The following FHOD3 variants were observed in gnomAD, a reference collection of about 807,000 sequenced individuals.
FHOD3 encodes formin homology 2 domain containing 3.
FHOD3 carries 90 observed loss-of-function variants against 173.0 expected under a neutral mutation model. The ratio of observed to expected loss-of-function variants is 0.52; its 90% confidence interval spans 0.44 to 0.62. FHOD3 has a LOEUF of 0.62. FHOD3 is among the 20% of genes least tolerant of loss of function. The probability of loss-of-function intolerance (pLI) is 0.00; values close to 1 mark genes in which losing one functional copy is unlikely to be tolerated. For synonymous variants in FHOD3, 828 were observed against 823.0 expected (o/e 1.01, Z -0.10); for missense variants, 1,945 against 2,034.7 (o/e 0.96, Z 0.85).
intron 7 of FHOD3, among the ~76,000 whole-genome samples, chr18:36,597,229 C>G (rs905381858): frequency 3.3e-5 from 5 of 152,110 alleles, no homozygotes; most frequent in African/African-American, 9.7e-5. Context: ...GGGCATGATC[C>G]TGAAATGAAC....
chr18:36,379,800 A>G (rs2047643082), intron 3 of FHOD3, among the ~76,000 whole-genome samples: 1 of 152,244 alleles, frequency 6.6e-6, no homozygotes, highest in Non-Finnish European at 1.5e-5. Context: ...TCTAGTGACC[A>G]GCTCTGAGTG....
chr18:36,477,840 A>C (rs1365013072), intron 3 of FHOD3, among the ~76,000 whole-genome samples: 4 of 152,158 alleles, frequency 2.6e-5, no homozygotes, highest in Non-Finnish European at 5.9e-5. Context: ...TTCTTGGCAC[A>C]GGAAGTAAGG....
At chr18:36,755,811 A>T (rs2042610965) in intron 25 of FHOD3, among the ~76,000 whole-genome samples, 2 of 152,228 alleles carry the variant, frequency 1.3e-5, no homozygotes, top group African/African-American at 4.8e-5. Context: ...TTGCTCCAAG[A>T]TACAATCTAA....
intron 9 of FHOD3, among the ~76,000 whole-genome samples, chr18:36,622,861 C>T (rs1764172457): frequency 6.6e-6 from 1 of 152,176 alleles, no homozygotes; most frequent in East Asian, 1.9e-4. Context: ...AGCCTCTCTT[C>T]CTGTCATCAC....
intron 5 of FHOD3, among the ~76,000 whole-genome samples, chr18:36,536,903 C>G (rs1308829938): frequency 6.6e-6 from 1 of 152,166 alleles, no homozygotes; most frequent in East Asian, 1.9e-4. Flanking sequence ...AAGGAAACTT[C>G]TCTAGAAGTG....
intron 6 of FHOD3, among the ~76,000 whole-genome samples, chr18:36,586,073 T>C (rs2059017128): frequency 6.6e-6 from 1 of 152,334 alleles, no homozygotes; most frequent in South Asian, 2.1e-4. Context: ...TTGCCAAACC[T>C]GGGTTTTAGC....
chr18:36,560,826 GTTT>G (rs34653505), intron 5 of FHOD3, among the ~76,000 whole-genome samples: 8 of 134,578 alleles, frequency 5.9e-5, no homozygotes, highest in Middle Eastern at 4.0e-3. Context: ...AAGAGCAGCT[GTTT>G]TTTTTTTTTT....
At chr18:36,753,611 T>G (rs1251946569) in intron 24 of FHOD3, among the ~76,000 whole-genome samples, 1 of 152,252 alleles carries the variant, frequency 6.6e-6, no homozygotes, top group Non-Finnish European at 1.5e-5. Flanking sequence ...AAACTCTGTT[T>G]ATCTTTTTGA....
chr18:36,504,595 G>C (rs2055202524), intron 4 of FHOD3, among the ~76,000 whole-genome samples: 2 of 151,524 alleles, frequency 1.3e-5, no homozygotes, highest in African/African-American at 4.9e-5. Flanking sequence ...ACTGTTGTGG[G>C]GTGGGGGCAG....
intron 1 of FHOD3, among the ~76,000 whole-genome samples, chr18:36,303,974 G>A (rs766350204): frequency 6.6e-6 from 1 of 152,098 alleles, no homozygotes; most frequent in Non-Finnish European, 1.5e-5. Flanking sequence ...GCCAATCAGC[G>A]CAATCCAGAT....
intron 3 of FHOD3, among the ~76,000 whole-genome samples, chr18:36,390,478 C>G (rs772065256): frequency 5.9e-5 from 9 of 152,172 alleles, no homozygotes; most frequent in African/African-American, 9.7e-5. Flanking sequence ...AGAGCCTGTT[C>G]TGGTGCTGGG....
At chr18:36,319,764 G>C (rs958748765) in intron 1 of FHOD3, among the ~76,000 whole-genome samples, 1 of 152,134 alleles carries the variant, frequency 6.6e-6, no homozygotes, top group Non-Finnish European at 1.5e-5. Flanking sequence ...AAATGTAAAA[G>C]AACAGAAATC....
intron 14 of FHOD3, among the ~76,000 whole-genome samples, chr18:36,679,336 C>T (rs2038081358): frequency 6.6e-6 from 1 of 151,710 alleles, no homozygotes; most frequent in Non-Finnish European, 1.5e-5. Flanking sequence ...TTAGGTTTTT[C>T]ACAATTATAA....
chr18:36,638,220 C>A (rs769982814), intron 10 of FHOD3, among the ~76,000 whole-genome samples: 3 of 152,112 alleles, frequency 2.0e-5, no homozygotes, highest in Non-Finnish European at 2.9e-5. Flanking sequence ...TAGGTTGAGT[C>A]CCAAAGGATG....
intron 3 of FHOD3, among the ~76,000 whole-genome samples, chr18:36,462,405 C>A (rs1431146573): frequency 1.3e-5 from 2 of 151,900 alleles, no homozygotes; most frequent in African/African-American, 4.8e-5. Context: ...TATCTCGGCT[C>A]ACTGCAAGCT....
intron 3 of FHOD3, among the ~76,000 whole-genome samples, chr18:36,375,793 C>T (rs952522417): frequency 7.9e-5 from 12 of 152,146 alleles, no homozygotes; most frequent in African/African-American, 1.9e-4. Context: ...AGCATTTGGC[C>T]GGAGGTTGGA....
chr18:36,408,352 C>T (rs2049171059), intron 3 of FHOD3, among the ~76,000 whole-genome samples: 1 of 152,134 alleles, frequency 6.6e-6, no homozygotes, highest in African/African-American at 2.4e-5. Flanking sequence ...AGGGCAGGTC[C>T]TGCATTGGTG....
At chr18:36,581,828 ATAAG>A (rs1028648774) in intron 6 of FHOD3, among the ~76,000 whole-genome samples, 2 of 152,196 alleles carry the variant, frequency 1.3e-5, no homozygotes, top group African/African-American at 4.8e-5. Flanking sequence ...TGAAGAAAAA[ATAAG>A]TAACGTGGTG....
chr18:36,369,506 TAGAG>T (rs71168219), intron 2 of FHOD3, among the ~76,000 whole-genome samples: 9,195 of 127,268 alleles, frequency 0.072, 490 homozygotes, highest in East Asian at 0.25. Flanking sequence ...CACATATATA[TAGAG>T]AGAGAGAGAG....
Sources: allele counts gnomAD v4.1 joint callset (sites outside exome capture counted in the v4.1 genomes callset), GRCh38; gene constraint gnomAD v4.1.1; transcripts MANE v1.5; gene names NCBI Gene and HGNC (gene_info 2026-07-23, HGNC 2026-07-21).